The following C2orf76 variants were observed in gnomAD, a reference collection of about 807,000 sequenced individuals.
The protein encoded by C2orf76 is UPF0538 protein C2orf76.
Under a neutral mutation model 16.9 loss-of-function variants are expected in C2orf76, and 23 were observed. The observed-to-expected ratio is 1.36, with a 90% CI of 0.98 to 1.93. The LOEUF is 1.93. Ranked by LOEUF, C2orf76 falls within the 30% of genes most tolerant of loss-of-function variation. C2orf76 has a pLI of 0.00. For missense variants in C2orf76, 152 were observed against 152.6 expected, an observed-to-expected ratio of 1.00 and a Z score of 0.02; for synonymous variants, 48 against 52.3, an observed-to-expected ratio of 0.92 and a Z score of 0.35.
intron 5 of C2orf76, among the ~76,000 whole-genome samples, chr2:119,309,698 G>C (rs1678920672): frequency 6.6e-6 from 1 of 152,066 alleles, no homozygotes; most frequent in South Asian, 2.1e-4. Flanking sequence ...TGGGATTATA[G>C]GCATGAGCCA....
intron 2 of C2orf76, among the ~76,000 whole-genome samples, chr2:119,324,688 A>G (rs890418978): frequency 6.6e-6 from 1 of 152,322 alleles, no homozygotes; most frequent in South Asian, 2.1e-4. Context: ...GGTCAGCCCA[A>G]GGTGTCAAGA....
chr2:119,349,967 T>C (rs1680331803), intron 1 of C2orf76, among the ~76,000 whole-genome samples: 1 of 149,530 alleles, frequency 6.7e-6, no homozygotes, highest in African/African-American at 2.5e-5. Context: ...AGGGTCTATG[T>C]TGTCCAGGTG....
the C2orf76 span, among the ~76,000 whole-genome samples, chr2:119,291,442 G>A: frequency 6.6e-6 from 1 of 151,856 alleles, no homozygotes; most frequent in Non-Finnish European, 1.5e-5. Context: ...GCCGGCTGTT[G>A]TTAATGAGCC....
At chr2:119,361,131 T>C (rs908579216) in intron 1 of C2orf76, among the ~76,000 whole-genome samples, 2 of 152,210 alleles carry the variant, frequency 1.3e-5, no homozygotes, top group East Asian at 1.9e-4. Flanking sequence ...AGAAACTAGG[T>C]AAGATGTACA....
chr2:119,339,140 A>G (rs1679943921), intron 2 of C2orf76: 1 of 152,240 alleles, frequency 6.6e-6, no homozygotes, highest in African/African-American at 2.4e-5. Context: ...ATAAAGCAAT[A>G]CCTTTGTCAA....
At chr2:119,356,907 C>G (rs1680589019) in intron 1 of C2orf76, among the ~76,000 whole-genome samples, 1 of 151,984 alleles carries the variant, frequency 6.6e-6, no homozygotes, top group Non-Finnish European at 1.5e-5. Context: ...CAAAATGGAC[C>G]AATTTCTTAA....
At position 119,356,101 on chromosome 2, in the gene C2orf76, G is replaced by A. The variant is rs565182209; in HGVS notation, c.-13+10689C>T. 1.4e-3 allele frequency among the ~76,000 whole-genome samples: 209 copies of A among 152,180 alleles called. 1 individual carries two copies. Among genetic ancestry groups the A allele is most frequent in the African/African-American group, 4.6e-3 (193 of 41,538 alleles). Reference sequence around the variant, plus strand: ...ACTAAACAAGCCCTGGACCAAAGACGAAGTCTCAAAGGAAACAAAGGCCAG... The same window carrying A: ...ACTAAACAAGCCCTGGACCAAAGACAAAGTCTCAAAGGAAACAAAGGCCAG... On this transcript the variant is annotated intron_variant, in intron 1 of 5. Transcript: ENST00000334816.
At chr2:119,295,285 G>C in the C2orf76 span, among the ~76,000 whole-genome samples, 1 of 152,150 alleles carries the variant, frequency 6.6e-6, no homozygotes, top group African/African-American at 2.4e-5. Flanking sequence ...AGTGGCACAG[G>C]GCCTGCAGGT....
chr2:119,359,766 A>G (rs1426136079), intron 1 of C2orf76, among the ~76,000 whole-genome samples: 3 of 152,186 alleles, frequency 2.0e-5, no homozygotes, highest in Admixed American at 1.3e-4. Flanking sequence ...CAAAGAAAGC[A>G]GTTTCTTGAG....
intron 2 of C2orf76, among the ~76,000 whole-genome samples, chr2:119,339,255 A>T (rs776205504): frequency 1.3e-5 from 2 of 152,248 alleles, no homozygotes; most frequent in African/African-American, 4.8e-5. Context: ...AAGTTCGATG[A>T]TTGGAACACT....
At chr2:119,281,823 T>C in the C2orf76 span, among the ~76,000 whole-genome samples, 1 of 152,156 alleles carries the variant, frequency 6.6e-6, no homozygotes. Context: ...CTTAAGGACG[T>C]TGCCATCACC....
intron 2 of C2orf76, among the ~76,000 whole-genome samples, chr2:119,339,438 C>T (rs1364995942): frequency 6.6e-6 from 1 of 152,166 alleles, no homozygotes; most frequent in South Asian, 2.1e-4. Context: ...GCTCCCCTCC[C>T]ACCACACTTC....
chr2:119,324,015 G>C (rs983823373), intron 2 of C2orf76, among the ~76,000 whole-genome samples: 1 of 152,270 alleles, frequency 6.6e-6, no homozygotes, highest in Non-Finnish European at 1.5e-5. Context: ...TATTCTTCTT[G>C]TGTCTCCATT....
chr2:119,322,325 A>AC (rs149165029), intron 2 of C2orf76, among the ~76,000 whole-genome samples: 5,397 of 151,550 alleles, frequency 0.036, 307 homozygotes, highest in African/African-American at 0.12. Flanking sequence ...CCCTGCATCA[A>AC]CCCCCCAAGT....
At chr2:119,283,976 C>T in the C2orf76 span, among the ~76,000 whole-genome samples, 60 of 152,292 alleles carry the variant, frequency 3.9e-4, no homozygotes, top group Admixed American at 2.3e-3. Flanking sequence ...CCCACACATC[C>T]GGGAGCACAG....
chr2:119,337,938 T>C (rs1679902982), intron 2 of C2orf76, among the ~76,000 whole-genome samples: 1 of 152,176 alleles, frequency 6.6e-6, no homozygotes, highest in South Asian at 2.1e-4. Context: ...CATCTTATTC[T>C]CAAGGACTTC....
chr2:119,334,702 A>AT (rs1679789632), intron 2 of C2orf76, among the ~76,000 whole-genome samples: 1 of 142,426 alleles, frequency 7.0e-6, no homozygotes. Flanking sequence ...GAAAAAAACA[A>AT]AATATATATA....
chr2:119,303,891 G>T (rs1015254815), intron 5 of C2orf76, among the ~76,000 whole-genome samples: 6 of 152,042 alleles, frequency 3.9e-5, no homozygotes, highest in African/African-American at 1.2e-4. Flanking sequence ...AGCCTGTGGG[G>T]GATACAGCAC....
chr2:119,284,206 C>T, the C2orf76 span, among the ~76,000 whole-genome samples: 3 of 152,196 alleles, frequency 2.0e-5, no homozygotes, highest in African/African-American at 7.2e-5. Context: ...TCGTCATAGC[C>T]AGGACAGCAT....
Sources: gnomAD v4.1 joint callset for allele counts (sites outside exome capture counted in the v4.1 genomes callset) on GRCh38, gnomAD v4.1.1 for gene constraint, MANE v1.5 for transcripts, NCBI Gene and HGNC (gene_info 2026-07-23, HGNC 2026-07-21) for gene names.